LINGO2: variants seen among roughly 807,000 people sequenced by gnomAD.
The protein encoded by LINGO2 is leucine-rich repeat and immunoglobulin-like domain-containing nogo receptor-interacting protein 2.
LINGO2 carries 14 observed loss-of-function variants against 30.6 expected under a neutral mutation model. That is an observed-to-expected ratio of 0.46 (90% CI 0.30 to 0.72). LINGO2 has a LOEUF of 0.72. Ranked by LOEUF, LINGO2 falls within the 30% of genes least tolerant of loss-of-function variation. LINGO2 has a pLI of 0.07. For missense variants in LINGO2, 729 were observed against 751.7 expected (o/e 0.97, Z 0.35); for synonymous variants, 317 against 288.5 (o/e 1.10, Z -1.00).
Position 28,171,062 on chromosome 9 carries a change from A to T in LINGO2, c.-87+124146T>A, listed in dbSNP as rs574769199. Reference sequence around the variant, plus strand: ...GATGTGTGAGTAGATATTCAATGTAAGTTCGGCCAACCATCTTTTATTTTC... The same window carrying T: ...GATGTGTGAGTAGATATTCAATGTATGTTCGGCCAACCATCTTTTATTTTC... On this transcript the variant is annotated intron_variant, in intron 4 of 5. Coordinates refer to ENST00000379992, the Ensembl canonical transcript of LINGO2. Among the ~76,000 whole-genome samples, 8 of 152,330 alleles carry T rather than the reference A, an allele frequency of 5.3e-5. No homozygotes were observed. In the East Asian group the frequency reaches 1.5e-3, roughly 29 times the overall value.
intron 4 of LINGO2, among the ~76,000 whole-genome samples, chr9:28,275,671 G>A (rs1000906551): frequency 3.3e-5 from 5 of 152,028 alleles, no homozygotes; most frequent in African/African-American, 1.2e-4. Flanking sequence ...CTATCCTAAG[G>A]CACTATAAAA....
At chr9:28,067,561 C>T (rs150186985) in intron 4 of LINGO2, among the ~76,000 whole-genome samples, 55 of 152,184 alleles carry the variant, frequency 3.6e-4, no homozygotes, top group African/African-American at 1.1e-3. Flanking sequence ...TGTACTTTGC[C>T]TCTGGAAGAT....
intron 3 of LINGO2, among the ~76,000 whole-genome samples, chr9:28,335,514 A>C (rs942815008): frequency 6.6e-6 from 1 of 152,194 alleles, no homozygotes. Context: ...CAGATATTCC[A>C]GGAAGATGGG....
chr9:28,229,722 T>C (rs927700670), intron 4 of LINGO2, among the ~76,000 whole-genome samples: 4 of 151,856 alleles, frequency 2.6e-5, no homozygotes, highest in Admixed American at 1.3e-4. Context: ...TTTAACATAT[T>C]GGCTTTCAGT....
At chr9:28,810,679 G>A in the LINGO2 span, among the ~76,000 whole-genome samples, 3 of 152,070 alleles carry the variant, frequency 2.0e-5, no homozygotes, top group African/African-American at 7.2e-5. Flanking sequence ...AAAAAGAGAA[G>A]CCCAGAAGTC....
At chr9:28,143,976 C>T (rs1031643059) in intron 4 of LINGO2, among the ~76,000 whole-genome samples, 4 of 152,044 alleles carry the variant, frequency 2.6e-5, no homozygotes, top group Non-Finnish European at 5.9e-5. Context: ...GCATAAACTA[C>T]TTGTGCAGGA....
the LINGO2 span, among the ~76,000 whole-genome samples, chr9:28,806,528 A>G: frequency 6.6e-6 from 1 of 152,172 alleles, no homozygotes; most frequent in Non-Finnish European, 1.5e-5. Flanking sequence ...TTCGTTATTG[A>G]CTACAGACTG....
chr9:28,814,729 T>C, the LINGO2 span, among the ~76,000 whole-genome samples: 4 of 152,072 alleles, frequency 2.6e-5, no homozygotes, highest in Non-Finnish European at 4.4e-5. Context: ...CTACTAAAAA[T>C]ACAACAAAAT....
the LINGO2 span, among the ~76,000 whole-genome samples, chr9:29,151,353 C>G: frequency 2.0e-5 from 3 of 152,098 alleles, no homozygotes; most frequent in East Asian, 5.8e-4. Flanking sequence ...AAAATAAAGT[C>G]TACAAAACAA....
the LINGO2 span, among the ~76,000 whole-genome samples, chr9:29,201,489 T>C: frequency 1.3e-5 from 2 of 152,094 alleles, no homozygotes; most frequent in South Asian, 4.1e-4. Flanking sequence ...TTAAGCCATC[T>C]ATAACCATGT....
intron 1 of LINGO2, among the ~76,000 whole-genome samples, chr9:28,486,799 A>G (rs1432463293): frequency 1.3e-5 from 2 of 152,134 alleles, no homozygotes; most frequent in African/African-American, 4.8e-5. Flanking sequence ...TTTTAAAAAT[A>G]ATAATAAAAT....
chr9:29,207,979 T>C, the LINGO2 span, among the ~76,000 whole-genome samples: 4 of 152,052 alleles, frequency 2.6e-5, no homozygotes, highest in African/African-American at 9.7e-5. Context: ...AAATAACTTA[T>C]AACTAATATT....
At chr9:29,100,473 A>C in the LINGO2 span, among the ~76,000 whole-genome samples, 35,807 of 151,794 alleles carry the variant, frequency 0.24, 4,357 homozygotes, top group East Asian at 0.4. Flanking sequence ...ACACTCCTGT[A>C]ATCCCAGCTA....
the LINGO2 span, among the ~76,000 whole-genome samples, chr9:28,790,970 T>C: frequency 9.9e-5 from 15 of 152,254 alleles, no homozygotes; most frequent in East Asian, 2.3e-3. Context: ...ATAAGACTGA[T>C]TGAAAATCAG....
At chr9:28,355,061 C>CG (rs2134467813) in intron 3 of LINGO2, among the ~76,000 whole-genome samples, 1 of 152,254 alleles carries the variant, frequency 6.6e-6, no homozygotes, top group South Asian at 2.1e-4. Context: ...CATTCTAAAA[C>CG]TAAGTCTAAT....
chr9:29,125,819 T>G, the LINGO2 span, among the ~76,000 whole-genome samples: 37,057 of 152,036 alleles, frequency 0.24, 4,696 homozygotes, highest in East Asian at 0.44. Context: ...GTTTTAGAAC[T>G]AGTAAAACTA....
intron 2 of LINGO2, among the ~76,000 whole-genome samples, chr9:28,411,370 T>A (rs1255954547): frequency 1.3e-5 from 2 of 152,152 alleles, no homozygotes; most frequent in African/African-American, 4.8e-5. Context: ...ACTTACAATA[T>A]ACTATCTTAA....
chr9:28,524,822 G>A (rs1316439260), intron 1 of LINGO2, among the ~76,000 whole-genome samples: 3 of 152,038 alleles, frequency 2.0e-5, no homozygotes, highest in Non-Finnish European at 4.4e-5. Context: ...ATACTAAAAA[G>A]ATAAACAATG....
At chr9:28,874,150 G>A in the LINGO2 span, among the ~76,000 whole-genome samples, 1 of 151,936 alleles carries the variant, frequency 6.6e-6, no homozygotes, top group Admixed American at 6.6e-5. Flanking sequence ...GAATATTCTA[G>A]CCATTATTAG....
Sources: allele counts gnomAD v4.1 joint callset (sites outside exome capture counted in the v4.1 genomes callset), GRCh38; gene constraint gnomAD v4.1.1; transcripts MANE v1.5; gene names NCBI Gene and HGNC (gene_info 2026-07-23, HGNC 2026-07-21).